Variants in ERN2 observed in about 807,000 individuals in gnomAD.
ERN2 encodes serine/threonine-protein kinase/endoribonuclease IRE2.
A neutral mutation model predicts 107.9 loss-of-function variants in ERN2; 111 were observed. The ratio of observed to expected loss-of-function variants is 1.03; its 90% CI spans 0.88 to 1.20. The LOEUF (loss-of-function observed/expected upper bound fraction) is 1.20, where lower values mean the gene tolerates loss of function less well. Among genes scored for constraint, ERN2 ranks in the 50% most tolerant of loss-of-function variants. The pLI is 0.00. For missense variants in ERN2, 1,225 were observed against 1,197.9 expected, an observed-to-expected ratio of 1.02 and a Z score of -0.33; for synonymous variants, 524 against 501.7, an observed-to-expected ratio of 1.04 and a Z score of -0.59.
rs1959668929 is a variant in ERN2 at position 23,693,180 on chromosome 16, GC to G, written c.2101-850del. ...GCCATGTTGTGTGCCTGTAGTCCCAGCTACTTGGGAGGCTGAGGTGAGAGGA... is the reference window on the plus strand; with the variant it reads ...GCCATGTTGTGTGCCTGTAGTCCCAGTACTTGGGAGGCTGAGGTGAGAGGA... On this transcript the variant is annotated intron_variant, in intron 17 of 21. Coordinates refer to ENST00000256797, the MANE Select transcript of ERN2 (RefSeq NM_033266.4). Among the ~76,000 whole-genome samples the G allele has an allele frequency of 3.9e-5, 6 of 152,052 alleles. No individual in the cohort carries two copies. The South Asian group carries it at 1.2e-3, about 32-fold the overall frequency.
At chr16:23,691,563 G>A (rs925280077) in intron 19 of ERN2, 138 bp from the exon 20 acceptor site, 10 of 1,051,100 alleles carry the variant, frequency 9.5e-6, no homozygotes, top group African/African-American at 3.2e-5. Context: ...TCTGTGCCAC[G>A]CCTCTGTTAT....
At chr16:23,705,191 T>A (rs773735872) in intron 7 of ERN2, 44 bp from the exon 8 acceptor site, 11 of 1,599,420 alleles carry the variant, frequency 6.9e-6, no homozygotes, top group Non-Finnish European at 9.4e-6. Context: ...GAAGCTCTCC[T>A]AAGAGGGTCC....
Position 23,706,464 on chromosome 16 carries a change from G to A in ERN2, c.488-33C>T, listed in dbSNP as rs151273743. The A allele has an allele frequency of 4.9e-5, 72 of 1,481,488 alleles. No individual in the cohort carries two copies. In the African/African-American group the frequency reaches 7.2e-4, roughly 15 times the overall value. 91.8% of individuals were successfully genotyped at this position (1,481,488 alleles called of 1,614,324 possible). ...TCCCAGAAGCAAGATTACCAGGAAC[G>A]TCCATTTGATGCTCCCTCCAACCCC... is the stretch of plus-strand genomic sequence containing the variant. On this transcript the variant is annotated intron_variant, in intron 6 of 21. Coordinates refer to ENST00000256797, the MANE Select transcript of ERN2 (RefSeq NM_033266.4).
At chr16:23,701,958 G>A (rs946172663) in intron 11 of ERN2, among the ~76,000 whole-genome samples, 194 bp downstream of exon 11, 3 of 137,426 alleles carry the variant, frequency 2.2e-5, no homozygotes, top group Non-Finnish European at 3.2e-5. Context: ...CACTTCTAAC[G>A]TGTTTCTGGC....
At chr16:23,691,527 C>T (rs1959597883) in intron 19 of ERN2, 102 bp from the exon 20 acceptor site, 3 of 1,387,032 alleles carry the variant, frequency 2.2e-6, no homozygotes, top group Non-Finnish European at 2.9e-6. Flanking sequence ...TGACAAGGAT[C>T]ATTGCCTCTG....
chr16:23,710,565 C>T lies in ERN2; in HGVS notation c.200-16G>A, dbSNP rs1960500100. ...ATGACGGGATCTGCAGGGACAGGGACACAGAACATAAGCAGTTTCCTCCAG... is the reference window on the plus strand; with the variant it reads ...ATGACGGGATCTGCAGGGACAGGGATACAGAACATAAGCAGTTTCCTCCAG... On this transcript the variant is annotated splice_polypyrimidine_tract_variant and intron_variant, in intron 2 of 21. Transcript: ENST00000256797. 3.1e-6 allele frequency: 5 copies of T among 1,614,004 alleles called. No homozygotes were observed. In the East Asian group the frequency reaches 1.1e-4, roughly 36 times the overall value.
chr16:23,699,464 A>G (rs1008361766), intron 13 of ERN2, among the ~76,000 whole-genome samples: 1 of 152,226 alleles, frequency 6.6e-6, no homozygotes, highest in Non-Finnish European at 1.5e-5. Flanking sequence ...GGAACATTCC[A>G]GATGCCAGAG....
In ERN2 at chr16:23,690,849, A is replaced by C. The variant is rs780931644; in HGVS notation, c.2763T>G (p.Pro921=). The change falls in exon 22 of 22, where the codon CCT becomes CCG. Residue 921 remains proline, a synonymous_variant. Coordinates refer to ENST00000256797, the MANE Select transcript of ERN2 (RefSeq NM_033266.4). The part of the protein sequence containing the change: ...PPDSEARRPC[P]GATGR ...GCCCACCTCACCTCCCTGTGGCCCCAGGGCATGGCCTCCTGGCCTCTGAGT... is the reference window on the plus strand; with the variant it reads ...GCCCACCTCACCTCCCTGTGGCCCCCGGGCATGGCCTCCTGGCCTCTGAGT... 1.4e-5 allele frequency: 23 copies of C among 1,612,198 alleles called. 1 individual carries two copies. In the Middle Eastern group the frequency reaches 1.5e-3, roughly 104 times the overall value.
chr16:23,690,465 G>A lies in ERN2; in HGVS notation c.*366C>T, dbSNP rs998938044. 7.4e-4 allele frequency: 338 copies of A among 455,614 alleles called. 1 individual carries two copies. The highest frequency in any genetic ancestry group is 1.2e-4 in the Non-Finnish European group (29 of 247,866). The allele number at this position is 455,614 out of a possible 1,614,324, so 28.2% of individuals were successfully genotyped here. On this transcript the variant is annotated 3_prime_UTR_variant, in exon 22 of 22. Coordinates refer to ENST00000256797, the MANE Select transcript of ERN2 (RefSeq NM_033266.4). ...TGCCCAGCCTCTGCCAGTCTTGTGG[G>A]GGAAAGGGGGTGACAGTGTCTCTCT... is the stretch of plus-strand genomic sequence containing the variant.
intron 17 of ERN2, among the ~76,000 whole-genome samples, chr16:23,693,047 G>A (rs1959663209): frequency 6.6e-6 from 1 of 151,698 alleles, no homozygotes; most frequent in Admixed American, 6.6e-5. Flanking sequence ...CCAGGCATGT[G>A]GCTGACACCT....
At chr16:23,712,780 A>G in intron 1 of ERN2, 6 of 343,884 alleles carry the variant, frequency 1.7e-5, no homozygotes, top group Non-Finnish European at 3.1e-5. Context: ...CAGAAGTTTT[A>G]AGAGGCCTGG....
chr16:23,702,029 G>C, intron 11 of ERN2, 123 bp downstream of exon 11: 1 of 980,360 alleles, frequency 1.0e-6, no homozygotes, highest in Non-Finnish European at 1.5e-6. Flanking sequence ...CTGGGAAATT[G>C]TGTGAGGTCA....
Position 23,695,092 on chromosome 16 carries a change from G to A in ERN2, c.1827C>T (p.Arg609=). 3 of 1,613,926 alleles carry A rather than the reference G, an allele frequency of 1.9e-6. No individual in the cohort carries two copies. Among genetic ancestry groups the A allele is most frequent in the Non-Finnish European group, 2.5e-6 (3 of 1,179,912 alleles). Residue 609 remains arginine (R), a synonymous_variant, in exon 16 of 22, where the codon CGC becomes CGT. Transcript: ENST00000256797. ...GCACGACCTCGGGCTCCAGACCCCC[G>A]CGATCCAGGTCCGGGTTTTCTACGT... ...QEYVENPDLD[R]GGLEPEVVLQ...
chr16:23,702,011 CA>C (rs2141014488), intron 11 of ERN2, 140 bp downstream of exon 11: 1 of 841,402 alleles, frequency 1.2e-6, no homozygotes, highest in African/African-American at 1.7e-5. Context: ...TTGTTCCCAA[CA>C]AAAAGTCTGG....
At chr16:23,712,005 T>A in intron 1 of ERN2, 1 of 452,762 alleles carries the variant, frequency 2.2e-6, no homozygotes, top group Non-Finnish European at 4.4e-6. Flanking sequence ...CCTGCTCCAG[T>A]CCCTCCTTGA....
intron 10 of ERN2, 55 bp from the exon 11 acceptor site, chr16:23,702,328 AG>A: frequency 6.2e-7 from 1 of 1,611,722 alleles, no homozygotes; most frequent in Non-Finnish European, 8.5e-7. Flanking sequence ...TTTCCAGCTC[AG>A]AAGCTGGGCT....
intron 13 of ERN2, among the ~76,000 whole-genome samples, chr16:23,698,269 T>C (rs1959909005): frequency 6.6e-6 from 1 of 152,144 alleles, no homozygotes; most frequent in Non-Finnish European, 1.5e-5. Flanking sequence ...CTTATTAGCT[T>C]TGTGAGCCGG....
At chr16:23,707,372 G>A (rs952067722) in intron 4 of ERN2, 23 of 404,396 alleles carry the variant, frequency 5.7e-5, no homozygotes, top group Non-Finnish European at 9.3e-5. Context: ...CCAGTGTCAA[G>A]GTATCATGTG....
rs138973317 is a variant in ERN2, at chr16:23,700,610, C to A, written c.1454G>T (p.Gly485Val). ...CCTCTTCTGGCTCCTCCGGCTGGCC[C>A]CCGAGTGCAGGGACTGGGCATCCTG... ...ISQDAQSLHS[G>V]ASRRSQKRLQ... The change falls in exon 13 of 22, where the codon GGG becomes GTG. Residue 485 changes from glycine (G) to valine (V), a missense_variant. Physicochemically the swap from Gly to Val is moderately radical, Grantham distance 109. Coordinates refer to ENST00000256797, the MANE Select transcript of ERN2 (RefSeq NM_033266.4). The A allele has an allele frequency of 6.1e-5, 98 of 1,614,146 alleles. No homozygotes were observed. In the African/African-American group the frequency reaches 1.2e-3, roughly 20 times the overall value.
Sources: allele counts gnomAD v4.1 joint callset (sites outside exome capture counted in the v4.1 genomes callset), GRCh38; gene constraint gnomAD v4.1.1; transcripts MANE v1.5; gene names NCBI Gene and HGNC (gene_info 2026-07-23, HGNC 2026-07-21).